The following ARHGAP20 variants were observed in gnomAD, a reference collection of about 807,000 sequenced individuals.
The protein encoded by ARHGAP20 is rho GTPase-activating protein 20.
ARHGAP20 carries 34 observed loss-of-function variants against 73.7 expected under a neutral mutation model. The ratio of observed to expected loss-of-function variants is 0.46; its 90% CI spans 0.35 to 0.61. The LOEUF is 0.61. ARHGAP20 is among the 20% of genes least tolerant of loss of function. The probability of loss-of-function intolerance (pLI) is 0.00; values close to 1 mark genes in which losing one functional copy is unlikely to be tolerated. For missense variants in ARHGAP20, 1,314 were observed against 1,420.9 expected, an observed-to-expected ratio of 0.92 and a Z score of 1.21; for synonymous variants, 523 against 518.2, an observed-to-expected ratio of 1.01 and a Z score of -0.13.
At chr11:110,690,763 G>T in intron 1 of ARHGAP20, 134 bp from the exon 2 acceptor site, 1 of 927,132 alleles carries the variant, frequency 1.1e-6, no homozygotes, top group Non-Finnish European at 1.6e-6. Flanking sequence ...GTTTCATTAT[G>T]GAGATAAAAC....
At chr11:110,627,144 A>G (rs1948762105) in intron 3 of ARHGAP20, among the ~76,000 whole-genome samples, 1 of 152,056 alleles carries the variant, frequency 6.6e-6, no homozygotes, top group South Asian at 2.1e-4. Context: ...GCTGGAGTGC[A>G]TTGGCATGAT....
In ARHGAP20 at chr11:110,615,691, C is replaced by A. The variant is rs1948468597; in HGVS notation, c.504-97G>T. 9.3e-6 allele frequency: 10 copies of A among 1,080,830 alleles called. No homozygotes were observed. The Admixed American group carries it at 1.6e-4, about 17-fold the overall frequency. 67.0% of individuals were successfully genotyped at this position (1,080,830 alleles called of 1,614,324 possible). ...CAATCCAGATGAAAATATCAACAAC[C>A]TGTTGTTACTAATACAGTTGCACAC... On this transcript the variant is annotated intron_variant, in intron 4 of 14. Transcript: ENST00000683387.
At chr11:110,597,738 G>A (rs1293754055) in intron 9 of ARHGAP20, among the ~76,000 whole-genome samples, 1 of 152,102 alleles carries the variant, frequency 6.6e-6, no homozygotes, top group Non-Finnish European at 1.5e-5. Flanking sequence ...TAGAAATTGA[G>A]TCCTTTACTT....
At chr11:110,651,561 A>G (rs572677331) in intron 2 of ARHGAP20, among the ~76,000 whole-genome samples, 7 of 152,238 alleles carry the variant, frequency 4.6e-5, no homozygotes, top group African/African-American at 1.7e-4. Context: ...CTGACCCCAC[A>G]GAAATATAAA....
chr11:110,640,894 A>C (rs1467422410), intron 2 of ARHGAP20, among the ~76,000 whole-genome samples: 1 of 152,108 alleles, frequency 6.6e-6, no homozygotes, highest in East Asian at 1.9e-4. Flanking sequence ...CTAGAACTTA[A>C]AGTATAATGA....
rs201711176 is a variant in ARHGAP20 at position 110,624,296 on chromosome 11, A to G, written c.369T>C (p.Phe123=). The change falls in exon 4 of 15, where the codon TTT becomes TTC. Residue 123 remains phenylalanine (F), a synonymous_variant. Coordinates refer to ENST00000683387, the MANE Select transcript of ARHGAP20 (RefSeq NM_001384657.1). ...VVAKIKYNNN[F]KIKNKIKLTD... The stretch of plus-strand genomic sequence containing the variant: ...TTAATTTAATTTTATTTTTTATCTT[A>G]AAGTTATTGTTATATCTAGAAAGAT... 32 of 1,574,172 alleles carry G rather than the reference A, an allele frequency of 2.0e-5. No individual in the cohort carries two copies. The East Asian group carries it at 7.3e-4, about 36-fold the overall frequency.
chr11:110,630,601 A>C, intron 3 of ARHGAP20, 27 bp downstream of exon 3: 1 of 1,594,176 alleles, frequency 6.3e-7, no homozygotes, highest in South Asian at 1.1e-5. Context: ...TTTTATAATG[A>C]TAATCAGGAG....
chr11:110,583,580 T>A lies in ARHGAP20; in HGVS notation c.1573A>T (p.Ser525Cys). Residue 525 changes from serine (S) to cysteine (C), a missense_variant, in exon 13 of 15, where the codon AGC (serine) becomes TGC (cysteine). Physicochemically the swap from Ser to Cys is moderately radical, Grantham distance 112. Around this residue, in one of 3 missense-constraint regions of ARHGAP20, gnomAD observed 230 missense variants for 317.6 expected, o/e 0.72. Transcript: ENST00000683387. ...PSILWPPASS[S>C]PELENEFTKK... is the part of the protein sequence containing the mutation. ...GTAAATTCGTTTTCTAGTTCTGGGC[T>A]GGAGGAAGCAGGAGGCCAAAGAATA... 1 of 1,611,072 alleles carries A rather than the reference T, an allele frequency of 6.2e-7. No homozygotes were observed.
chr11:110,599,311 G>A (rs1948052425), intron 9 of ARHGAP20, among the ~76,000 whole-genome samples: 1 of 152,222 alleles, frequency 6.6e-6, no homozygotes, highest in African/African-American at 2.4e-5. Context: ...AAAGTTGGGT[G>A]AGTCCAAGTG....
chr11:110,629,863 G>C (rs546556869), intron 3 of ARHGAP20, among the ~76,000 whole-genome samples: 2 of 152,288 alleles, frequency 1.3e-5, no homozygotes, highest in East Asian at 1.9e-4. Context: ...GAGGGCTCTC[G>C]TGAAGGCTTG....
chr11:110,617,022 C>G (rs1948498997), intron 4 of ARHGAP20, among the ~76,000 whole-genome samples: 1 of 152,100 alleles, frequency 6.6e-6, no homozygotes, highest in African/African-American at 2.4e-5. Context: ...AACCAGCACC[C>G]AGATCAGGAA....
intron 2 of ARHGAP20, among the ~76,000 whole-genome samples, chr11:110,636,870 TTAGAG>T (rs1238240888): frequency 6.6e-6 from 1 of 151,744 alleles, no homozygotes; most frequent in Non-Finnish European, 1.5e-5. Context: ...TTTTACTCTT[TTAGAG>T]TATGGAAATG....
intron 9 of ARHGAP20, among the ~76,000 whole-genome samples, chr11:110,605,406 G>C (rs1382740281): frequency 1.3e-5 from 2 of 152,196 alleles, no homozygotes; most frequent in Non-Finnish European, 2.9e-5. Flanking sequence ...TCTTGATGCA[G>C]TTGTTTCAGA....
chr11:110,636,675 AAAAT>A (rs1658742774), intron 2 of ARHGAP20, among the ~76,000 whole-genome samples: 1 of 152,096 alleles, frequency 6.6e-6, no homozygotes, highest in African/African-American at 2.4e-5. Context: ...TCCATACACT[AAAAT>A]AAAAGTAAAC....
At chr11:110,660,061 C>CAAAAAAAAAAAAAAAAAAAAAAAAAA (rs746439426) in intron 2 of ARHGAP20, among the ~76,000 whole-genome samples, 1 of 69,248 alleles carries the variant, frequency 1.4e-5, no homozygotes, top group African/African-American at 4.7e-5. Flanking sequence ...TAATAAAAAA[C>CAAAAAAAAAAAAAAAAAAAAAAAAAA]AAAAAAAAAA....
intron 12 of ARHGAP20, among the ~76,000 whole-genome samples, chr11:110,584,517 G>C (rs1217716623): frequency 1.1e-4 from 16 of 151,792 alleles, no homozygotes; most frequent in Admixed American, 6.6e-4. Context: ...TAGTACAATG[G>C]ACTGACAATG....
chr11:110,662,106 A>G (rs972211046), intron 2 of ARHGAP20, among the ~76,000 whole-genome samples: 2 of 152,026 alleles, frequency 1.3e-5, no homozygotes, highest in Non-Finnish European at 2.9e-5. Flanking sequence ...ATAGGGTGGA[A>G]AAGTATATAC....
chr11:110,587,908 G>A (rs1053793524), intron 11 of ARHGAP20, among the ~76,000 whole-genome samples: 7 of 152,156 alleles, frequency 4.6e-5, no homozygotes, highest in African/African-American at 1.7e-4. Flanking sequence ...TGGGTAAAGT[G>A]ATTGAATTTT....
intron 2 of ARHGAP20, among the ~76,000 whole-genome samples, chr11:110,639,915 T>A (rs2134981471): frequency 6.6e-6 from 1 of 152,174 alleles, no homozygotes; most frequent in East Asian, 1.9e-4. Context: ...TGTTTTTGAA[T>A]ATCTGTTTCC....
Sources: gnomAD v4.1 joint callset for allele counts (sites outside exome capture counted in the v4.1 genomes callset) on GRCh38, gnomAD v4.1.1 for gene constraint, gnomAD v4.1.1 regional missense constraint, MANE v1.5 for transcripts, NCBI Gene and HGNC (gene_info 2026-07-23, HGNC 2026-07-21) for gene names.